The following IFT88 variants were observed in gnomAD, a reference collection of about 807,000 sequenced individuals.
IFT88 encodes the protein intraflagellar transport protein 88 homolog.
Under a neutral mutation model 119.5 loss-of-function variants are expected in IFT88, and 74 were observed. The ratio of observed to expected loss-of-function variants is 0.62; its 90% CI spans 0.51 to 0.75. The LOEUF (loss-of-function observed/expected upper bound fraction) is 0.75. Ranked by LOEUF, IFT88 falls within the 30% of genes least tolerant of loss-of-function variation. The pLI, the probability that IFT88 is intolerant of heterozygous loss-of-function variation, is 0.00. For missense variants in IFT88, 961 were observed against 977.7 expected, an observed-to-expected ratio of 0.98 and a Z score of 0.23; for synonymous variants, 279 against 316.7, an observed-to-expected ratio of 0.88 and a Z score of 1.26.
rs759645619 is a variant in IFT88, at chr13:20,605,044, C to T, written c.1051C>T (p.His351Tyr). Residue 351 changes from histidine (H) to tyrosine (Y), a missense_variant, in exon 13 of 26, where the codon CAT becomes TAT. By Grantham distance (83) the His-to-Tyr change is moderately conservative (BLOSUM62 2). Transcript: ENST00000351808. ...DKYISPSDDPHTNLVTEAIKN... is the reference protein window; with the variant it reads ...DKYISPSDDPYTNLVTEAIKN... ...CATTTTATTTTACCAGGATGATCCTCATACTAACTTAGTAACTGAAGCTAT... is the reference window on the plus strand; with the variant it reads ...CATTTTATTTTACCAGGATGATCCTTATACTAACTTAGTAACTGAAGCTAT... 8.9e-6 allele frequency: 13 copies of T among 1,455,376 alleles called. No homozygotes were observed. The Admixed American group carries it at 1.2e-4, about 13-fold the overall frequency. 90.2% of individuals were successfully genotyped at this position (1,455,376 alleles called of 1,614,324 possible).
chr13:20,634,180 C>A (rs561181442), intron 16 of IFT88, among the ~76,000 whole-genome samples: 1 of 152,122 alleles, frequency 6.6e-6, no homozygotes, highest in African/African-American at 2.4e-5. Flanking sequence ...GGTTCTTGTG[C>A]GCATTGAGTT....
At chr13:20,583,441 C>A (rs1343985106) in intron 3 of IFT88, among the ~76,000 whole-genome samples, 1 of 152,160 alleles carries the variant, frequency 6.6e-6, no homozygotes, top group Non-Finnish European at 1.5e-5. Context: ...TATGTTTATA[C>A]CACATTTTGT....
At chr13:20,687,624 A>G (rs1034118486) in intron 24 of IFT88, among the ~76,000 whole-genome samples, 5 of 152,230 alleles carry the variant, frequency 3.3e-5, no homozygotes, top group African/African-American at 1.2e-4. Flanking sequence ...TCTACTGGCT[A>G]TAAAATTATT....
At chr13:20,662,388 G>C (rs1044358553) in intron 22 of IFT88, among the ~76,000 whole-genome samples, 1 of 152,052 alleles carries the variant, frequency 6.6e-6, no homozygotes, top group African/African-American at 2.4e-5. Flanking sequence ...AGAGGAGCTG[G>C]TACCATTCCT....
At chr13:20,657,339 A>C (rs183902967) in intron 22 of IFT88, among the ~76,000 whole-genome samples, 8 of 152,320 alleles carry the variant, frequency 5.3e-5, no homozygotes, top group African/African-American at 1.9e-4. Context: ...AGAAAAACAT[A>C]AAGTAAGCAC....
intron 24 of IFT88, among the ~76,000 whole-genome samples, chr13:20,679,427 C>T (rs10400673): frequency 0.16 from 24,945 of 152,148 alleles, 2,402 homozygotes; most frequent in African/African-American, 0.25. Context: ...GGCAATTAAA[C>T]GCCGAGAGTG....
At chr13:20,604,950 T>C in intron 12 of IFT88, 85 bp from the exon 13 acceptor site, 1 of 673,166 alleles carries the variant, frequency 1.5e-6, no homozygotes, top group East Asian at 2.9e-5. Flanking sequence ...AGTGAGGCTG[T>C]ATCTCAAAAC....
At chr13:20,662,738 AT>A in intron 22 of IFT88, among the ~76,000 whole-genome samples, 1 of 146,766 alleles carries the variant, frequency 6.8e-6, no homozygotes, top group Non-Finnish European at 1.5e-5. Context: ...AGACAAAATT[AT>A]TGTGTTTTTT....
chr13:20,659,063 GT>G (rs1477972757), intron 22 of IFT88, among the ~76,000 whole-genome samples: 3 of 152,176 alleles, frequency 2.0e-5, no homozygotes, highest in African/African-American at 7.2e-5. Context: ...AAGAAGACTA[GT>G]TTTCTGGATA....
At chr13:20,592,476 A>G (rs2040848543) in intron 7 of IFT88, 72 bp downstream of exon 7, 4 of 1,045,208 alleles carry the variant, frequency 3.8e-6, no homozygotes, top group South Asian at 3.4e-5. Context: ...CAAATACACA[A>G]TTTTTTTTTT....
chr13:20,633,590 G>A (rs779441743), intron 16 of IFT88, among the ~76,000 whole-genome samples: 2 of 152,196 alleles, frequency 1.3e-5, no homozygotes, highest in Middle Eastern at 3.4e-3. Flanking sequence ...GACCCAATTC[G>A]TCACCAAATC....
Position 20,615,879 on chromosome 13 carries a change from G to T in IFT88, c.1199G>T (p.Trp400Leu). ...IETSFAAGYD[W>L]CVEVVKASQY... Reference sequence around the variant, plus strand: ...ACATCTTTTGCTGCAGGTTATGATTGGTAAGAGAGAAAGTCTATAATACTG... The same window carrying T: ...ACATCTTTTGCTGCAGGTTATGATTTGTAAGAGAGAAAGTCTATAATACTG... Residue 400 changes from tryptophan to leucine, a missense_variant and splice_region_variant, in exon 14 of 26, where the codon TGG becomes TTG. Physicochemically the swap from Trp to Leu is moderately conservative, Grantham distance 61. Coordinates refer to ENST00000351808, the MANE Select transcript of IFT88 (RefSeq NM_006531.5). 2 of 1,586,768 alleles carry T rather than the reference G, an allele frequency of 1.3e-6. No homozygotes were observed. The highest frequency in any genetic ancestry group is 1.7e-6 in the Non-Finnish European group (2 of 1,160,382).
At chr13:20,614,691 G>T (rs1166338108) in intron 13 of IFT88, among the ~76,000 whole-genome samples, 1 of 152,086 alleles carries the variant, frequency 6.6e-6, no homozygotes, top group Non-Finnish European at 1.5e-5. Flanking sequence ...GAGGAAACTG[G>T]GTAAAGGGTA....
rs529433584 is a variant in IFT88, at chr13:20,644,794, A to G, written c.1834-49A>G. On this transcript the variant is annotated intron_variant, in intron 19 of 25. Coordinates refer to ENST00000351808, the MANE Select transcript of IFT88 (RefSeq NM_006531.5). Reference sequence around the variant, plus strand: ...AGGTAAAGTATTCAAGAAGTAAATTATATGTTGCCATTGAAGTTGTATTGT... The same window carrying G: ...AGGTAAAGTATTCAAGAAGTAAATTGTATGTTGCCATTGAAGTTGTATTGT... 5 of 791,752 alleles carry G rather than the reference A, an allele frequency of 6.3e-6. No homozygotes were observed. The Admixed American group carries it at 1.1e-4, about 17-fold the overall frequency. The allele number at this position is 791,752 out of a possible 1,614,324, so 49.0% of individuals were successfully genotyped here. A position where few individuals can be genotyped will look rare whatever the true frequency, so the allele number is the denominator to read the frequency against.
At chr13:20,646,518 A>G (rs982452702) in intron 20 of IFT88, among the ~76,000 whole-genome samples, 4 of 152,006 alleles carry the variant, frequency 2.6e-5, no homozygotes, top group Non-Finnish European at 4.4e-5. Flanking sequence ...GAGTTTCACC[A>G]TGTTGGTGAG....
chr13:20,626,942 T>G (rs957674036), intron 15 of IFT88, among the ~76,000 whole-genome samples: 2 of 152,202 alleles, frequency 1.3e-5, no homozygotes, highest in Non-Finnish European at 1.5e-5. Context: ...CTCCCAAGCC[T>G]ATGCTTTCAG....
intron 12 of IFT88, among the ~76,000 whole-genome samples, chr13:20,602,402 G>T (rs2042750221): frequency 6.6e-6 from 1 of 151,798 alleles, no homozygotes; most frequent in African/African-American, 2.4e-5. Context: ...AAGGGGTTTT[G>T]CCATGTTGCC....
chr13:20,607,260 C>T (rs193204496), intron 13 of IFT88: 278 of 407,968 alleles, frequency 6.8e-4, no homozygotes, highest in African/African-American at 4.5e-3. Flanking sequence ...CTGCTGCTGC[C>T]GCAGCACTTC....
intron 4 of IFT88, 30 bp downstream of exon 4, chr13:20,589,897 A>G (rs2040367540): frequency 1.4e-6 from 2 of 1,383,706 alleles, no homozygotes; most frequent in Non-Finnish European, 1.0e-6. Context: ...AAATATTAAG[A>G]TGCTTTTTCT....
Sources: gnomAD v4.1 joint callset for allele counts (sites outside exome capture counted in the v4.1 genomes callset) on GRCh38, gnomAD v4.1.1 for gene constraint, MANE v1.5 for transcripts, NCBI Gene and HGNC (gene_info 2026-07-23, HGNC 2026-07-21) for gene names.